Variants in HPRT1 observed in about 807,000 individuals in gnomAD.
The protein encoded by HPRT1 is hypoxanthine-guanine phosphoribosyltransferase.
In HPRT1, 4 loss-of-function variants were observed where a neutral mutation model predicts 19.0. The observed-to-expected ratio is 0.21, with a 90% CI of 0.10 to 0.48. The LOEUF is 0.48. HPRT1 is among the 20% of genes least tolerant of loss of function. HPRT1 has a pLI of 0.98. For missense variants in HPRT1, 65 were observed against 164.0 expected, an observed-to-expected ratio of 0.40 and a Z score of 3.30; for synonymous variants, 53 against 54.9, an observed-to-expected ratio of 0.97 and a Z score of 0.15.
At chrX:134,496,381 C>T (rs1016672267) in intron 6 of HPRT1, among the ~76,000 whole-genome samples, 1 of 111,859 alleles carries the variant, frequency 8.9e-6, no homozygotes, top group African/African-American at 3.3e-5. Context: ...TTCTTAAGAA[C>T]GGTTACCCAT....
chrX:134,471,638 T>C (rs1402060282), intron 1 of HPRT1, among the ~76,000 whole-genome samples: 3 of 111,121 alleles, frequency 2.7e-5, no homozygotes, highest in Non-Finnish European at 3.8e-5. Flanking sequence ...CAACTTTTCT[T>C]TTCTTTTTCT....
chrX:134,499,697 G>T (rs1221002443), intron 8 of HPRT1, among the ~76,000 whole-genome samples: 1 of 108,719 alleles, frequency 9.2e-6, no homozygotes, highest in Non-Finnish European at 1.9e-5. Context: ...TCAGCTACTC[G>T]GGAGGCTGAG....
intron 6 of HPRT1, among the ~76,000 whole-genome samples, chrX:134,496,283 G>A (rs776474729): frequency 8.9e-6 from 1 of 111,961 alleles, no homozygotes; most frequent in Non-Finnish European, 1.9e-5. Flanking sequence ...CTATGATGTG[G>A]TATCTCATTG....
intron 3 of HPRT1, among the ~76,000 whole-genome samples, chrX:134,484,852 AAAAG>A (rs1351409305): frequency 8.9e-6 from 1 of 111,746 alleles, no homozygotes; most frequent in Non-Finnish European, 1.9e-5. Flanking sequence ...TTAAATAAAA[AAAAG>A]AGAGACAGGG....
chrX:134,487,356 T>C (rs2077656493), intron 4 of HPRT1, among the ~76,000 whole-genome samples: 1 of 110,724 alleles, frequency 9.0e-6, no homozygotes, highest in Non-Finnish European at 1.9e-5. Flanking sequence ...TTGAAAAACT[T>C]TTTGAGAGTA....
chrX:134,482,190 A>C (rs765186091), intron 3 of HPRT1, among the ~76,000 whole-genome samples: 2 of 110,972 alleles, frequency 1.8e-5, no homozygotes, highest in African/African-American at 6.6e-5. Flanking sequence ...AGTAGCTGGG[A>C]CTACAGGCAC....
intron 5 of HPRT1, among the ~76,000 whole-genome samples, chrX:134,492,973 TATTG>T (rs2077671533): frequency 9.0e-6 from 1 of 111,711 alleles, no homozygotes; most frequent in Non-Finnish European, 1.9e-5. Context: ...AGAGTATTTT[TATTG>T]AAAAGCATTA....
At chrX:134,478,507 G>A (rs1318090726) in intron 3 of HPRT1, among the ~76,000 whole-genome samples, 2 of 111,026 alleles carry the variant, frequency 1.8e-5, no homozygotes, top group Non-Finnish European at 3.8e-5. Context: ...CAGCTACTTG[G>A]GAGGCAGAGG....
intron 1 of HPRT1, among the ~76,000 whole-genome samples, chrX:134,472,766 G>A (rs181291833): frequency 2.3e-3 from 252 of 110,012 alleles, no homozygotes; most frequent in African/African-American, 7.8e-3. Context: ...GGCGGGGGGA[G>A]GTTTCACCAT....
chrX:134,495,544 C>T (rs1305178985), intron 6 of HPRT1, among the ~76,000 whole-genome samples: 6 of 111,490 alleles, frequency 5.4e-5, no homozygotes, highest in South Asian at 7.5e-4. Flanking sequence ...TGCTTAATTG[C>T]GTTTTAGAAT....
intron 3 of HPRT1, among the ~76,000 whole-genome samples, chrX:134,485,962 A>T (rs2077651689): frequency 8.9e-6 from 1 of 112,145 alleles, no homozygotes; most frequent in Non-Finnish European, 1.9e-5. Context: ...TTCCCAGATG[A>T]TGCTGAAGAT....
intron 1 of HPRT1, among the ~76,000 whole-genome samples, chrX:134,462,992 G>A (rs17882059): frequency 0.013 from 1,432 of 112,238 alleles, 24 homozygotes; most frequent in African/African-American, 0.044. Flanking sequence ...TAAGTTAGTA[G>A]TGACAATAGT....
intron 1 of HPRT1, among the ~76,000 whole-genome samples, chrX:134,472,897 GT>G (rs1051330236): frequency 1.7e-4 from 19 of 108,618 alleles, no homozygotes; most frequent in Non-Finnish European, 3.5e-4. Context: ...TGTTTGTTTT[GT>G]TTTTTTTGAG....
intron 4 of HPRT1, among the ~76,000 whole-genome samples, chrX:134,488,415 G>A (rs1369013043): frequency 9.0e-6 from 1 of 110,978 alleles, no homozygotes; most frequent in Non-Finnish European, 1.9e-5. Flanking sequence ...GGGATTACGG[G>A]TGTGAGCCAC....
intron 1 of HPRT1, among the ~76,000 whole-genome samples, chrX:134,467,999 A>G (rs971431263): frequency 9.4e-6 from 1 of 106,670 alleles, no homozygotes; most frequent in African/African-American, 3.4e-5. Flanking sequence ...TTTAGTAGAG[A>G]CGGGGTTTTA....
At chrX:134,473,288 T>C (rs760675652) in intron 1 of HPRT1, 71 bp from the exon 2 acceptor site, 1 of 683,364 alleles carries the variant, frequency 1.5e-6, no homozygotes, top group Admixed American at 2.3e-5. Context: ...GGTTATTTTT[T>C]AACATCTTAA....
intron 3 of HPRT1, among the ~76,000 whole-genome samples, chrX:134,484,264 A>G (rs2077647022): frequency 8.9e-6 from 1 of 112,539 alleles, no homozygotes; most frequent in Non-Finnish European, 1.9e-5. Flanking sequence ...AACAGATTTT[A>G]TAAATAATTT....
In HPRT1 at chrX:134,460,247, C is replaced by T; in HGVS notation, c.-65C>T. On this transcript the variant is annotated 5_prime_UTR_variant, in exon 1 of 9. Coordinates refer to ENST00000298556, the MANE Select transcript of HPRT1 (RefSeq NM_000194.3). ...CCGCCTCTTGCTGCGCCTCCGCCTC[C>T]TCCTCTGCTCCGCCACCGGCTTCCT... The T allele has an allele frequency of 1.8e-6, 2 of 1,094,652 alleles. No individual in the cohort carries two copies. Among genetic ancestry groups the T allele is most frequent in the Admixed American group, 5.5e-5 (2 of 36,539 alleles). The allele number at this position is 1,094,652 out of a possible 1,213,427, so 90.2% of individuals were successfully genotyped here.
At chrX:134,498,163 G>A (rs1357480649) in intron 6 of HPRT1, among the ~76,000 whole-genome samples, 1 of 111,800 alleles carries the variant, frequency 8.9e-6, no homozygotes, top group African/African-American at 3.3e-5. Flanking sequence ...TCAGGTTCCA[G>A]GTGATCAACC....
Sources: gnomAD v4.1 joint callset for allele counts (sites outside exome capture counted in the v4.1 genomes callset) on GRCh38, gnomAD v4.1.1 for gene constraint, MANE v1.5 for transcripts, NCBI Gene and HGNC (gene_info 2026-07-23, HGNC 2026-07-21) for gene names.